Variants in SHC4 observed in about 807,000 individuals in gnomAD.
SHC4 encodes the protein SHC-transforming protein 4.
In SHC4, 41 loss-of-function variants were observed where a neutral mutation model predicts 69.4. That is an observed-to-expected ratio of 0.59 (90% CI 0.46 to 0.77). The LOEUF (loss-of-function observed/expected upper bound fraction) is 0.77. SHC4 is among the 30% of genes least tolerant of loss of function. The probability of loss-of-function intolerance (pLI) is 0.00; values close to 1 mark genes in which losing one functional copy is unlikely to be tolerated. For missense variants in SHC4, 777 were observed against 783.8 expected (o/e 0.99, Z 0.10); for synonymous variants, 318 against 299.3 (o/e 1.06, Z -0.64).
At chr15:48,877,949 G>T (rs1326988024) in intron 4 of SHC4, 9 of 487,284 alleles carry the variant, frequency 1.8e-5, no homozygotes, top group South Asian at 4.0e-5. Context: ...CCCTAGATAC[G>T]AAGTTCGAAT....
chr15:48,947,926 TG>T, intron 1 of SHC4: 1 of 152,338 alleles, frequency 6.6e-6, no homozygotes, highest in South Asian at 2.1e-4. Flanking sequence ...ATAAAAATGT[TG>T]ACAACAGTGG....
At chr15:48,900,499 T>C (rs1396721502) in intron 2 of SHC4, among the ~76,000 whole-genome samples, 1 of 147,576 alleles carries the variant, frequency 6.8e-6, no homozygotes, top group Non-Finnish European at 1.5e-5. Flanking sequence ...AGAGTGAGAT[T>C]CCAACTCAAA....
chr15:48,891,763 T>C (rs146240148), intron 2 of SHC4, among the ~76,000 whole-genome samples: 346 of 152,342 alleles, frequency 2.3e-3, no homozygotes, highest in African/African-American at 7.9e-3. Context: ...TATATTATAT[T>C]TCACAATAAT....
At position 48,823,982 on chromosome 15, in the gene SHC4, G is replaced by C. The variant is rs1416018224; in HGVS notation, c.*1989C>G. On this transcript the variant is annotated 3_prime_UTR_variant, in exon 12 of 12. Coordinates refer to ENST00000332408, the MANE Select transcript of SHC4 (RefSeq NM_203349.4). ...ACTGCTGACACCATTTACAGTCATT[G>C]CATCTATTTGTATCAGGAACTCTTG... 2 of 152,180 alleles carry C rather than the reference G, an allele frequency of 1.3e-5. No individual in the cohort carries two copies. The highest frequency in any genetic ancestry group is 2.9e-5 in the Non-Finnish European group (2 of 68,042). The allele number at this position is 152,180 out of a possible 1,614,324, so 9.4% of individuals were successfully genotyped here.
intron 3 of SHC4, among the ~76,000 whole-genome samples, chr15:48,886,035 G>C (rs566965522): frequency 6.6e-6 from 1 of 152,316 alleles, no homozygotes; most frequent in African/African-American, 2.4e-5. Flanking sequence ...GAGGTGAGCA[G>C]ATCATGAAGT....
intron 2 of SHC4, among the ~76,000 whole-genome samples, chr15:48,904,741 C>T (rs972860175): frequency 5.3e-5 from 8 of 151,662 alleles, no homozygotes; most frequent in African/African-American, 1.7e-4. Context: ...ATGTAATTAG[C>T]CAAATGTGGT....
chr15:48,909,663 C>T (rs956741296), intron 2 of SHC4, among the ~76,000 whole-genome samples: 2 of 151,774 alleles, frequency 1.3e-5, no homozygotes, highest in Admixed American at 1.3e-4. Context: ...TCAAAGTTTC[C>T]CTATTCAGTA....
At chr15:48,893,358 T>G (rs1343863488) in intron 2 of SHC4, among the ~76,000 whole-genome samples, 3 of 152,224 alleles carry the variant, frequency 2.0e-5, no homozygotes, top group Non-Finnish European at 4.4e-5. Flanking sequence ...GTCTAAAAAC[T>G]GTTTCTGTGA....
chr15:48,941,829 G>T (rs1170783620), intron 1 of SHC4, among the ~76,000 whole-genome samples: 2 of 152,112 alleles, frequency 1.3e-5, no homozygotes, highest in Non-Finnish European at 2.9e-5. Flanking sequence ...CTGGGCATTT[G>T]CTGTAACTAT....
At chr15:48,962,371 G>A (rs1901558145) in intron 1 of SHC4, 60 bp downstream of exon 1, 1 of 1,482,224 alleles carries the variant, frequency 6.7e-7, no homozygotes, top group Admixed American at 2.3e-5. Flanking sequence ...CTTGCAGAAA[G>A]CAGAGAAGAT....
chr15:48,885,818 C>A (rs761308829), intron 3 of SHC4, among the ~76,000 whole-genome samples: 1 of 152,144 alleles, frequency 6.6e-6, no homozygotes, highest in Non-Finnish European at 1.5e-5. Context: ...ATAAAGCTGA[C>A]TCTTGGTCTA....
chr15:48,957,171 T>G (rs1377895476), intron 1 of SHC4, among the ~76,000 whole-genome samples: 3 of 151,940 alleles, frequency 2.0e-5, no homozygotes, highest in South Asian at 2.1e-4. Context: ...AGAGATGAGG[T>G]TTCACCATGT....
chr15:48,854,437 A>T (rs1184665223), intron 8 of SHC4, among the ~76,000 whole-genome samples: 1 of 152,218 alleles, frequency 6.6e-6, no homozygotes, highest in East Asian at 1.9e-4. Flanking sequence ...ACAGCACTCA[A>T]ACATTTGACC....
Position 48,850,238 on chromosome 15 carries a change from CTAAA to C in SHC4, c.1303+946_1303+949del, listed in dbSNP as rs1363377209. ...AAATAAATATAAATAAATAAATAAA[CTAAA>C]CTAAACTAAAATAAAATGTTGCCTT... is the stretch of plus-strand genomic sequence containing the variant. On this transcript the variant is annotated intron_variant, in intron 9 of 11. Transcript: ENST00000332408. 2.2e-4 allele frequency among the ~76,000 whole-genome samples: 22 copies of C among 100,776 alleles called. No homozygotes were observed. The Admixed American group carries it at 2.2e-3, about 10-fold the overall frequency. The allele number at this position is 100,776 out of a possible 152,430, so 66.1% of individuals were successfully genotyped here. A position where few individuals can be genotyped will look rare whatever the true frequency, so the allele number is the denominator to read the frequency against.
chr15:48,912,297 G>T (rs1220074160), intron 2 of SHC4, among the ~76,000 whole-genome samples: 2 of 152,010 alleles, frequency 1.3e-5, no homozygotes, highest in Admixed American at 6.6e-5. Context: ...TCTTTTTTCA[G>T]TGTCTTGGTT....
At chr15:48,857,873 C>A in intron 6 of SHC4, 58 bp from the exon 7 acceptor site, 1 of 1,370,560 alleles carries the variant, frequency 7.3e-7, no homozygotes, top group South Asian at 1.9e-5. Flanking sequence ...GAGAAGATTA[C>A]ATAAAATCAG....
intron 1 of SHC4, among the ~76,000 whole-genome samples, chr15:48,930,806 T>C (rs555249845): frequency 5.3e-4 from 81 of 152,318 alleles, no homozygotes; most frequent in Admixed American, 4.4e-3. Flanking sequence ...AAATAATTTT[T>C]AGTCTTTCCC....
In SHC4 at chr15:48,960,381, C is replaced by T. The variant is rs114330527; in HGVS notation, c.585+2050G>A. On this transcript the variant is annotated intron_variant, in intron 1 of 11. Transcript: ENST00000332408. ...GAGAGCCCAGGTTTGGAGACTCACT[C>T]GTTTTCCCATGAGGGCCTGGCACAC... is the stretch of plus-strand genomic sequence containing the variant. 6.3e-3 allele frequency among the ~76,000 whole-genome samples: 957 copies of T among 152,262 alleles called. 20 individuals are homozygous for T. The highest frequency in any genetic ancestry group is 0.022 in the African/African-American group (901 of 41,550).
At chr15:48,848,687 T>C (rs1184569927) in intron 9 of SHC4, among the ~76,000 whole-genome samples, 1 of 152,208 alleles carries the variant, frequency 6.6e-6, no homozygotes, top group African/African-American at 2.4e-5. Context: ...ATTATGTTGT[T>C]TGTTGGTTTA....
Sources: gnomAD v4.1 joint callset for allele counts (sites outside exome capture counted in the v4.1 genomes callset) on GRCh38, gnomAD v4.1.1 for gene constraint, MANE v1.5 for transcripts, NCBI Gene and HGNC (gene_info 2026-07-23, HGNC 2026-07-21) for gene names.